DHRSX: variants seen among roughly 807,000 people sequenced by gnomAD.
DHRSX encodes dehydrogenase/reductase X-linked.
Under a neutral mutation model 34.0 loss-of-function variants are expected in DHRSX, and 31 were observed. The ratio of observed to expected loss-of-function variants is 0.91; its 90% confidence interval spans 0.69 to 1.23. The LOEUF is 1.23. Among genes scored for constraint, DHRSX ranks in the 50% most tolerant of loss-of-function variants. The pLI is 0.00. For synonymous variants in DHRSX, 201 were observed against 183.8 expected, an observed-to-expected ratio of 1.09 and a Z score of -0.76; for missense variants, 414 against 428.1, an observed-to-expected ratio of 0.97 and a Z score of 0.29.
At chrX:2,391,599 C>A (rs1225620870) in intron 3 of DHRSX, among the ~76,000 whole-genome samples, 1 of 152,110 alleles carries the variant, frequency 6.6e-6, no homozygotes, top group African/African-American at 2.4e-5. Flanking sequence ...CCCAGAAATG[C>A]AAAGGCTGAT....
chrX:2,363,736 CTT>C (rs2042966770), intron 3 of DHRSX, among the ~76,000 whole-genome samples: 1 of 151,762 alleles, frequency 6.6e-6, no homozygotes, highest in Non-Finnish European at 1.5e-5. Context: ...TGGTATCATG[CTT>C]CCATTTTATC....
intron 6 of DHRSX, among the ~76,000 whole-genome samples, chrX:2,225,557 G>C (rs2015638876): frequency 6.6e-6 from 1 of 152,200 alleles, no homozygotes; most frequent in Non-Finnish European, 1.5e-5. Flanking sequence ...GGAGGAACCA[G>C]CCCTGCCCAC....
intron 3 of DHRSX, among the ~76,000 whole-genome samples, chrX:2,360,478 G>A (rs1292236476): frequency 6.6e-6 from 1 of 152,266 alleles, no homozygotes. Flanking sequence ...AGCTACTTGG[G>A]AGGCTGAGGC....
chrX:2,340,684 C>A (rs1028422749), intron 3 of DHRSX, among the ~76,000 whole-genome samples: 43 of 152,112 alleles, frequency 2.8e-4, no homozygotes, highest in Admixed American at 7.2e-4. Flanking sequence ...ACAGTCTTCA[C>A]CTTGCAAATT....
chrX:2,292,423 C>T (rs995901713), intron 3 of DHRSX, among the ~76,000 whole-genome samples: 7 of 152,198 alleles, frequency 4.6e-5, no homozygotes, highest in African/African-American at 1.7e-4. Flanking sequence ...TGCAGTTACA[C>T]CTGCCCAGAT....
intron 5 of DHRSX, among the ~76,000 whole-genome samples, chrX:2,253,338 CG>C (rs1179479047): frequency 8.2e-5 from 4 of 49,072 alleles, no homozygotes; most frequent in African/African-American, 1.9e-4. Context: ...GCCAAGATGG[CG>C]TGGCCGCACT....
At chrX:2,285,947 A>C (rs987600297) in intron 4 of DHRSX, among the ~76,000 whole-genome samples, 17 of 152,260 alleles carry the variant, frequency 1.1e-4, no homozygotes, top group Admixed American at 1.1e-3. Context: ...CAGCCTTCTC[A>C]TTTGCACACA....
At chrX:2,430,265 A>C (rs2043901678) in intron 1 of DHRSX, among the ~76,000 whole-genome samples, 1 of 151,598 alleles carries the variant, frequency 6.6e-6, no homozygotes, top group Non-Finnish European at 1.5e-5. Context: ...GCTCAAAAAA[A>C]AAAAAAAAAG....
At chrX:2,437,284 C>A (rs2044003911) in intron 1 of DHRSX, among the ~76,000 whole-genome samples, 1 of 152,070 alleles carries the variant, frequency 6.6e-6, no homozygotes, top group African/African-American at 2.4e-5. Flanking sequence ...CAGGTGTGAG[C>A]CACCATGCCC....
intron 3 of DHRSX, among the ~76,000 whole-genome samples, chrX:2,307,796 A>T (rs1410227776): frequency 1.8e-4 from 26 of 143,216 alleles, no homozygotes; most frequent in Non-Finnish European, 2.5e-4. Flanking sequence ...AAATAAAAAA[A>T]ATAAAATAAA....
intron 1 of DHRSX, chrX:2,488,511 T>TTCTA: frequency 1.0e-5 from 13 of 1,265,394 alleles, no homozygotes; most frequent in Middle Eastern, 2.8e-4. Context: ...TTTTTCCACC[T>TTCTA]TCTAGGTGTC....
At chrX:2,371,679 C>T (rs2043073447) in intron 3 of DHRSX, among the ~76,000 whole-genome samples, 1 of 76,766 alleles carries the variant, frequency 1.3e-5, no homozygotes, top group African/African-American at 3.2e-5. Context: ...CCCTCCTCCT[C>T]CCATTATCAC....
chrX:2,283,461 C>T (rs1223983877), intron 4 of DHRSX, among the ~76,000 whole-genome samples: 1 of 152,122 alleles, frequency 6.6e-6, no homozygotes, highest in Non-Finnish European at 1.5e-5. Flanking sequence ...CGAATGCATG[C>T]GCCGCGATGC....
chrX:2,421,407 GA>G (rs1232567478), intron 2 of DHRSX, among the ~76,000 whole-genome samples: 2 of 152,088 alleles, frequency 1.3e-5, no homozygotes, highest in Non-Finnish European at 2.9e-5. Flanking sequence ...GAAGAGCCAT[GA>G]CATAGAAAAA....
rs374884576 is a variant in DHRSX, at chrX:2,335,585, G to GGACTACA, written c.287-43989_287-43983dup. Among the ~76,000 whole-genome samples the GGACTACA allele has an allele frequency of 4.4e-3, 662 of 151,826 alleles. 9 individuals carry two copies. The highest frequency in any genetic ancestry group is 0.015 in the African/African-American group (619 of 41,432). ...CCTGCCTCAGCCTCCCGAGTAGCCG[G>GGACTACA]GACTACAGGTGCCCGCCACCATGCC... On this transcript the variant is annotated intron_variant, in intron 3 of 6. Coordinates refer to ENST00000334651, the MANE Select transcript of DHRSX (RefSeq NM_145177.3).
chrX:2,394,906 A>T (rs1391447762), intron 3 of DHRSX, among the ~76,000 whole-genome samples: 1 of 150,692 alleles, frequency 6.6e-6, no homozygotes, highest in African/African-American at 2.4e-5. Flanking sequence ...AGTTCCAGGT[A>T]GTGATGAGAG....
chrX:2,438,701 A>G (rs1020080517), intron 1 of DHRSX, among the ~76,000 whole-genome samples: 2 of 150,504 alleles, frequency 1.3e-5, no homozygotes, highest in African/African-American at 2.4e-5. Context: ...CGTTCATTTC[A>G]GGAACAGAAT....
intron 1 of DHRSX, among the ~76,000 whole-genome samples, chrX:2,497,076 A>T (rs775985933): frequency 1.3e-5 from 2 of 151,850 alleles, no homozygotes; most frequent in South Asian, 4.2e-4. Context: ...TGGGGTCCTC[A>T]TTTTTTTTGA....
chrX:2,245,434 G>C (rs1209729894), intron 5 of DHRSX, among the ~76,000 whole-genome samples: 1 of 151,448 alleles, frequency 6.6e-6, no homozygotes, highest in Non-Finnish European at 1.5e-5. Context: ...TCAGCCTCCC[G>C]AGTAGCTGGG....
Sources: allele counts gnomAD v4.1 joint callset (sites outside exome capture counted in the v4.1 genomes callset), GRCh38; gene constraint gnomAD v4.1.1; transcripts MANE v1.5; gene names NCBI Gene and HGNC (gene_info 2026-07-23, HGNC 2026-07-21).